The following ITGAE variants were observed in gnomAD, a reference collection of about 807,000 sequenced individuals.
The protein encoded by ITGAE is integrin alpha-E.
ITGAE carries 99 observed loss-of-function variants against 136.5 expected under a neutral mutation model. That is an observed-to-expected ratio of 0.73 (90% confidence interval 0.62 to 0.86). The LOEUF (loss-of-function observed/expected upper bound fraction) is 0.86. Ranked by LOEUF, ITGAE falls within the 40% of genes least tolerant of loss-of-function variation. ITGAE has a pLI of 0.00. For synonymous variants in ITGAE, 613 were observed against 591.8 expected, an observed-to-expected ratio of 1.04 and a Z score of -0.52; for missense variants, 1,447 against 1,515.3, an observed-to-expected ratio of 0.95 and a Z score of 0.75.
intron 1 of ITGAE, among the ~76,000 whole-genome samples, chr17:3,780,178 T>G (rs2052633732): frequency 2.0e-5 from 3 of 150,880 alleles, no homozygotes; most frequent in Non-Finnish European, 4.4e-5. Context: ...TTTGTTTTTT[T>G]TTTTTTTTTG....
intron 1 of ITGAE, among the ~76,000 whole-genome samples, chr17:3,783,168 T>C (rs550575962): frequency 3.9e-4 from 60 of 152,204 alleles, no homozygotes; most frequent in African/African-American, 1.4e-3. Context: ...TGAGATGGAG[T>C]CTCACTCTGT....
chr17:3,789,189 G>T (rs2052876622), intron 1 of ITGAE, among the ~76,000 whole-genome samples: 1 of 152,112 alleles, frequency 6.6e-6, no homozygotes, highest in Non-Finnish European at 1.5e-5. Context: ...TGAGGCTGCA[G>T]TGAGCCTTGA....
intron 26 of ITGAE, chr17:3,726,390 C>A: frequency 8.4e-7 from 1 of 1,193,666 alleles, no homozygotes; most frequent in Non-Finnish European, 1.2e-6. Flanking sequence ...GCCTCTGGTG[C>A]TGTTTCAACC....
chr17:3,786,141 T>A (rs571711914), intron 1 of ITGAE, among the ~76,000 whole-genome samples: 1 of 134,412 alleles, frequency 7.4e-6, no homozygotes. Context: ...CACTCCAGCC[T>A]GGGTGACAGA....
chr17:3,720,545 G>T, intron 28 of ITGAE, 143 bp from the exon 29 acceptor site: 6 of 499,074 alleles, frequency 1.2e-5, no homozygotes, highest in East Asian at 3.5e-5. Context: ...ACTACATAAA[G>T]TTACCCAAAC....
rs778840455 is a variant in ITGAE, at chr17:3,743,637, G to C, written c.2320-20C>G. 3.1e-6 allele frequency: 5 copies of C among 1,607,466 alleles called. No homozygotes were observed. Among genetic ancestry groups the C allele is most frequent in the Non-Finnish European group, 4.2e-6 (5 of 1,177,692 alleles). On this transcript the variant is annotated intron_variant, in intron 18 of 30. Coordinates refer to ENST00000263087, the MANE Select transcript of ITGAE (RefSeq NM_002208.5). ...ACAGAGCTGTGGGGTCACCACGGAAGGCAGGGTTAGAGTTGGATGTGGGGG... is the reference window on the plus strand; with the variant it reads ...ACAGAGCTGTGGGGTCACCACGGAACGCAGGGTTAGAGTTGGATGTGGGGG...
At chr17:3,766,669 G>C (rs1424547448) in intron 2 of ITGAE, among the ~76,000 whole-genome samples, 1 of 151,970 alleles carries the variant, frequency 6.6e-6, no homozygotes, top group Non-Finnish European at 1.5e-5. Flanking sequence ...GGGCATAGTG[G>C]TGAAAGCCTG....
At chr17:3,764,044 G>T in intron 2 of ITGAE, 84 bp from the exon 3 acceptor site, 1 of 957,400 alleles carries the variant, frequency 1.0e-6, no homozygotes, top group Non-Finnish European at 1.6e-6. Flanking sequence ...TCCCATTCCA[G>T]TTGCCTGCAC....
intron 26 of ITGAE, chr17:3,726,390 C>T (rs2051214717): frequency 8.4e-6 from 10 of 1,193,672 alleles, no homozygotes; most frequent in Non-Finnish European, 1.2e-5. Flanking sequence ...GCCTCTGGTG[C>T]TGTTTCAACC....
Position 3,726,277 on chromosome 17 carries a change from T to C in ITGAE, c.3084+1642A>G, listed in dbSNP as rs768673050. On this transcript the variant is annotated intron_variant, in intron 26 of 30. Coordinates refer to ENST00000263087, the MANE Select transcript of ITGAE (RefSeq NM_002208.5). ...AAAATCCAGGAGTTCCACAGGACAA[T>C]GCTGAACTTCAGCTCTGCCACTGAC... 3 of 1,614,030 alleles carry C rather than the reference T, an allele frequency of 1.9e-6. No individual in the cohort carries two copies. In the African/African-American group the frequency reaches 4.0e-5, roughly 22 times the overall value.
In ITGAE at chr17:3,750,336, C is replaced by T; in HGVS notation, c.2024+16G>A. ...AGGCTGGGCCTGGGACCCCAGAAAG[C>T]AGGACAGAACCCTACCGGAACACAA... On this transcript the variant is annotated intron_variant, in intron 16 of 30. Coordinates refer to ENST00000263087, the MANE Select transcript of ITGAE (RefSeq NM_002208.5). The T allele has an allele frequency of 3.1e-6, 5 of 1,613,204 alleles. No individual in the cohort carries two copies. Among genetic ancestry groups the T allele is most frequent in the Non-Finnish European group, 4.2e-6 (5 of 1,179,664 alleles).
chr17:3,723,581 C>T (rs555172128), intron 27 of ITGAE, 107 bp downstream of exon 27: 10 of 1,242,180 alleles, frequency 8.1e-6, no homozygotes, highest in Non-Finnish European at 1.0e-5. Context: ...CTGGCAGCCC[C>T]CGGCACTGGC....
chr17:3,752,110 C>T (rs2051886933), intron 14 of ITGAE, among the ~76,000 whole-genome samples: 1 of 152,124 alleles, frequency 6.6e-6, no homozygotes. Context: ...TGGTGGGTGC[C>T]CACTCCGTTG....
rs1389969728 is a variant in ITGAE at position 3,789,452 on chromosome 17, TC to T, written c.34+11658del. On this transcript the variant is annotated intron_variant, in intron 1 of 30. Transcript: ENST00000263087. The stretch of plus-strand genomic sequence containing the variant: ...AAGTTTTCCTTCCTTCCTTCCTTCC[TC>T]CCCCCTCCCTCCCTCCCTCCCTTCC... Among the ~76,000 whole-genome samples, 39 of 146,770 alleles carry T rather than the reference TC, an allele frequency of 2.7e-4. 1 individual carries two copies. The highest frequency in any genetic ancestry group is 1.2e-4 in the Non-Finnish European group (8 of 66,614).
At chr17:3,753,170 A>AC in intron 14 of ITGAE, 120 bp downstream of exon 14, 2 of 1,096,620 alleles carry the variant, frequency 1.8e-6, no homozygotes, top group South Asian at 3.2e-5. Flanking sequence ...CAGCCTGAGC[A>AC]CCTCCCCATC....
Position 3,748,060 on chromosome 17 carries a change from A to G in ITGAE, c.2025-8T>C. On this transcript the variant is annotated splice_region_variant and splice_polypyrimidine_tract_variant and intron_variant, in intron 16 of 30. Coordinates refer to ENST00000263087, the MANE Select transcript of ITGAE (RefSeq NM_002208.5). ...CGAACCACAGGCCGGGAGCTAAACA[A>G]GACAGCAAAGAGGATGGGAGAAGTG... The G allele has an allele frequency of 6.2e-7, 1 of 1,605,056 alleles. No individual in the cohort carries two copies. Among genetic ancestry groups the G allele is most frequent in the Non-Finnish European group, 8.5e-7 (1 of 1,174,514 alleles).
In ITGAE at chr17:3,734,854, T is replaced by C. The variant is rs773493051; in HGVS notation, c.2618A>G (p.Asn873Ser). ...CTTCAACTGCAGGTTTCTGGGGTAA[T>C]TCAAGGCCATGCTTGTCATGTAGGA... is the stretch of plus-strand genomic sequence containing the variant. ...EDSYMTSMAL[N>S]YPRNLQLKRM... The change falls in exon 21 of 31, where the codon AAT becomes AGT. Residue 873 changes from asparagine to serine, a missense_variant. By Grantham distance (46) the Asn-to-Ser change is conservative. Transcript: ENST00000263087. The C allele has an allele frequency of 1.2e-6, 2 of 1,614,216 alleles. No individual in the cohort carries two copies. Among genetic ancestry groups the C allele is most frequent in the South Asian group, 1.1e-5 (1 of 91,086 alleles).
intron 20 of ITGAE, among the ~76,000 whole-genome samples, chr17:3,736,635 T>G (rs1052489907): frequency 3.3e-5 from 5 of 152,188 alleles, no homozygotes; most frequent in African/African-American, 7.2e-5. Context: ...CCTGGGGATG[T>G]GTGAAAGGGT....
intron 23 of ITGAE, chr17:3,730,454 A>AAAAAAAAAATAAAATAAATAAAT (rs147927266): frequency 1.4e-5 from 2 of 147,498 alleles, no homozygotes; most frequent in Admixed American, 6.7e-5. Flanking sequence ...TCTGTCTCAA[A>AAAAAAAAAATAAAATAAATAAAT]AAATAAATAA....
Sources: allele counts gnomAD v4.1 joint callset (sites outside exome capture counted in the v4.1 genomes callset), GRCh38; gene constraint gnomAD v4.1.1; transcripts MANE v1.5; gene names NCBI Gene and HGNC (gene_info 2026-07-23, HGNC 2026-07-21).